The following SUGCT variants were observed in gnomAD, a reference collection of about 807,000 sequenced individuals.
The protein encoded by SUGCT is succinyl-CoA:glutarate CoA-transferase.
A neutral mutation model predicts 55.0 loss-of-function variants in SUGCT; 41 were observed. The observed-to-expected ratio is 0.74, with a 90% CI of 0.58 to 0.97. The LOEUF is 0.97. Ranked by LOEUF, SUGCT falls within the 50% of genes least tolerant of loss-of-function variation. The pLI is 0.00. For synonymous variants in SUGCT, 187 were observed against 200.4 expected, an observed-to-expected ratio of 0.93 and a Z score of 0.56; for missense variants, 568 against 547.8, an observed-to-expected ratio of 1.04 and a Z score of -0.37.
the SUGCT span, among the ~76,000 whole-genome samples, chr7:41,026,210 T>C: frequency 1.3e-5 from 2 of 152,204 alleles, no homozygotes; most frequent in Non-Finnish European, 2.9e-5. Context: ...GCACTGGGCC[T>C]CCCATATTAT....
the SUGCT span, among the ~76,000 whole-genome samples, chr7:41,029,158 G>A: frequency 6.6e-6 from 1 of 152,166 alleles, no homozygotes; most frequent in Non-Finnish European, 1.5e-5. Context: ...CAGCCTACAT[G>A]CAGTGCGATG....
intron 9 of SUGCT, among the ~76,000 whole-genome samples, chr7:40,430,747 A>G (rs1474623564): frequency 6.6e-6 from 1 of 152,112 alleles, no homozygotes; most frequent in Non-Finnish European, 1.5e-5. Flanking sequence ...GTTCTCTTCT[A>G]GGAGTTTTAG....
chr7:40,495,758 T>C (rs1047317292), intron 11 of SUGCT, among the ~76,000 whole-genome samples: 7 of 152,228 alleles, frequency 4.6e-5, no homozygotes, highest in African/African-American at 9.6e-5. Context: ...TATCACTCTT[T>C]GCATGTCTTG....
intron 13 of SUGCT, among the ~76,000 whole-genome samples, chr7:40,859,912 T>G (rs1446471989): frequency 6.6e-6 from 1 of 152,224 alleles, no homozygotes; most frequent in Non-Finnish European, 1.5e-5. Context: ...GCTGCTGGGT[T>G]GCTTTCACCT....
the SUGCT span, among the ~76,000 whole-genome samples, chr7:41,003,688 C>A: frequency 6.6e-6 from 1 of 152,196 alleles, no homozygotes; most frequent in Non-Finnish European, 1.5e-5. Context: ...CTATCTCTCT[C>A]TAGCTGCCAA....
At chr7:40,205,640 C>CAAAAAAAAAA (rs67396482) in intron 6 of SUGCT, among the ~76,000 whole-genome samples, 1 of 77,464 alleles carries the variant, frequency 1.3e-5, no homozygotes. Context: ...AACTTCATCT[C>CAAAAAAAAAA]AAAAAAAAAA....
the SUGCT span, among the ~76,000 whole-genome samples, chr7:40,890,338 T>C: frequency 6.9e-6 from 1 of 144,890 alleles, no homozygotes; most frequent in South Asian, 2.1e-4. Context: ...AATATTAATA[T>C]ATAAATATTA....
chr7:40,957,447 C>CTTTTTTTTT, the SUGCT span, among the ~76,000 whole-genome samples: 5 of 76,088 alleles, frequency 6.6e-5, no homozygotes, highest in Non-Finnish European at 1.0e-4. Context: ...GCAACCCCTG[C>CTTTTTTTTT]TTTTTTTTTT....
chr7:40,569,347 G>T (rs572309814), intron 12 of SUGCT, among the ~76,000 whole-genome samples: 1 of 152,244 alleles, frequency 6.6e-6, no homozygotes, highest in South Asian at 2.1e-4. Context: ...CTTTCGCTCA[G>T]TATCTCTTCC....
chr7:41,025,330 T>C, the SUGCT span, among the ~76,000 whole-genome samples: 1 of 152,186 alleles, frequency 6.6e-6, no homozygotes, highest in Non-Finnish European at 1.5e-5. Context: ...TCAGTATGTC[T>C]GAAATATAAT....
At chr7:40,342,140 G>C (rs987787780) in intron 9 of SUGCT, among the ~76,000 whole-genome samples, 3 of 152,168 alleles carry the variant, frequency 2.0e-5, no homozygotes, top group African/African-American at 7.2e-5. Flanking sequence ...GTCTATGGCA[G>C]ATACTGATCC....
At chr7:40,633,759 T>TGG (rs1261702008) in intron 12 of SUGCT, among the ~76,000 whole-genome samples, 1 of 152,224 alleles carries the variant, frequency 6.6e-6, no homozygotes, top group African/African-American at 2.4e-5. Flanking sequence ...AGGAATACAA[T>TGG]GTGTGTGATT....
At chr7:40,921,560 A>C in the SUGCT span, among the ~76,000 whole-genome samples, 1 of 152,174 alleles carries the variant, frequency 6.6e-6, no homozygotes, top group African/African-American at 2.4e-5. Flanking sequence ...AATACTCTTC[A>C]CCTCGAAGAA....
intron 7 of SUGCT, among the ~76,000 whole-genome samples, chr7:40,272,414 G>C (rs1388393403): frequency 2.0e-5 from 3 of 149,384 alleles, no homozygotes; most frequent in African/African-American, 7.4e-5. Context: ...GTGGCCTCAA[G>C]TGATCCTCCT....
intron 12 of SUGCT, among the ~76,000 whole-genome samples, chr7:40,726,623 T>C (rs770309128): frequency 6.6e-6 from 1 of 152,200 alleles, no homozygotes; most frequent in Non-Finnish European, 1.5e-5. Flanking sequence ...CAATATCTTA[T>C]ATTTCAGTGT....
rs529400837 is a variant in SUGCT at position 40,286,202 on chromosome 7, C to G, written c.720+11546C>G. ...TTATTGTAGTTGGAGATATAGACAACAAACAAGTAATTAGTAATAAATGTA... is the reference window on the plus strand; with the variant it reads ...TTATTGTAGTTGGAGATATAGACAAGAAACAAGTAATTAGTAATAAATGTA... On this transcript the variant is annotated intron_variant, in intron 8 of 13. Transcript: ENST00000335693. Among the ~76,000 whole-genome samples, 4 of 152,164 alleles carry G rather than the reference C, an allele frequency of 2.6e-5. No homozygotes were observed. The South Asian group carries it at 8.3e-4, about 32-fold the overall frequency.
At chr7:40,898,301 C>T in the SUGCT span, among the ~76,000 whole-genome samples, 1 of 152,156 alleles carries the variant, frequency 6.6e-6, no homozygotes, top group Non-Finnish European at 1.5e-5. Flanking sequence ...TCCAGACATG[C>T]TGCTTTGCTG....
In SUGCT at chr7:40,649,347, G is replaced by A. The variant is rs1387347780; in HGVS notation, c.1090-100087G>A. 2.0e-5 allele frequency among the ~76,000 whole-genome samples: 3 copies of A among 151,986 alleles called. 1 individual carries two copies. The highest frequency in any genetic ancestry group is 7.3e-5 in the African/African-American group (3 of 41,362). ...AATAATAGTATGTCACATTTACTGAGTAGGTACCATGCCCCCGTGATAGTC... is the reference window on the plus strand; with the variant it reads ...AATAATAGTATGTCACATTTACTGAATAGGTACCATGCCCCCGTGATAGTC... On this transcript the variant is annotated intron_variant, in intron 12 of 13. Coordinates refer to ENST00000335693, the MANE Select transcript of SUGCT (RefSeq NM_001193313.2).
chr7:40,549,656 G>T (rs1184224081), intron 12 of SUGCT, among the ~76,000 whole-genome samples: 1 of 152,230 alleles, frequency 6.6e-6, no homozygotes. Context: ...TTGAGAAAAA[G>T]ACATTTGAGG....
Sources: gnomAD v4.1 joint callset for allele counts (sites outside exome capture counted in the v4.1 genomes callset) on GRCh38, gnomAD v4.1.1 for gene constraint, MANE v1.5 for transcripts, NCBI Gene and HGNC (gene_info 2026-07-23, HGNC 2026-07-21) for gene names.